The following KCNH5 variants were observed in gnomAD, a reference collection of about 807,000 sequenced individuals.
The protein encoded by KCNH5 is voltage-gated delayed rectifier potassium channel KCNH5.
In KCNH5, 46 loss-of-function variants were observed where a neutral mutation model predicts 96.1. The observed-to-expected ratio is 0.48, with a 90% CI of 0.38 to 0.61. The LOEUF (loss-of-function observed/expected upper bound fraction) is 0.61. Among genes scored for constraint, KCNH5 ranks in the 20% least tolerant of loss-of-function variants. The probability of loss-of-function intolerance (pLI) is 0.00; values close to 1 mark genes in which losing one functional copy is unlikely to be tolerated. For missense variants in KCNH5, 907 were observed against 1,225.8 expected, an observed-to-expected ratio of 0.74 and a Z score of 3.88; for synonymous variants, 439 against 449.8, an observed-to-expected ratio of 0.98 and a Z score of 0.30.
At chr14:63,007,338 A>G (rs12589987) in intron 2 of KCNH5, among the ~76,000 whole-genome samples, 43,680 of 152,026 alleles carry the variant, frequency 0.29, 7,488 homozygotes, top group East Asian at 0.57. Flanking sequence ...AGAAAGGAGG[A>G]TGACAATTTT....
chr14:62,850,003 T>C, intron 7 of KCNH5, 151 bp from the exon 8 acceptor site: 1 of 630,458 alleles, frequency 1.6e-6, no homozygotes, highest in Admixed American at 2.7e-5. Context: ...GCCTGACACC[T>C]GGTATTCACT....
At chr14:62,960,590 T>C (rs1890188661) in intron 6 of KCNH5, among the ~76,000 whole-genome samples, 1 of 152,112 alleles carries the variant, frequency 6.6e-6, no homozygotes, top group African/African-American at 2.4e-5. Flanking sequence ...TCATAAGCAT[T>C]GGGCCCTTAT....
At chr14:63,032,030 T>C (rs981698853) in intron 1 of KCNH5, among the ~76,000 whole-genome samples, 1 of 122,470 alleles carries the variant, frequency 8.2e-6, no homozygotes, top group African/African-American at 3.1e-5. Context: ...GTAATAATAA[T>C]AAGACACACA....
intron 7 of KCNH5, among the ~76,000 whole-genome samples, chr14:62,898,724 A>G (rs1439184871): frequency 6.6e-6 from 1 of 152,196 alleles, no homozygotes; most frequent in African/African-American, 2.4e-5. Flanking sequence ...TCCTTAATCT[A>G]CAAGTCATTG....
At chr14:62,794,155 C>T (rs1284819157) in intron 9 of KCNH5, among the ~76,000 whole-genome samples, 1 of 151,832 alleles carries the variant, frequency 6.6e-6, no homozygotes, top group Non-Finnish European at 1.5e-5. Flanking sequence ...CTGATTTAGC[C>T]AATTCATACT....
intron 7 of KCNH5, among the ~76,000 whole-genome samples, chr14:62,887,682 A>G (rs1404347328): frequency 1.3e-5 from 2 of 152,100 alleles, no homozygotes; most frequent in Non-Finnish European, 2.9e-5. Context: ...CAGAGAATAC[A>G]TGTATGAGGT....
chr14:62,989,211 C>T (rs1298686420), intron 4 of KCNH5, among the ~76,000 whole-genome samples: 1 of 151,944 alleles, frequency 6.6e-6, no homozygotes, highest in East Asian at 1.9e-4. Flanking sequence ...AAACACATGC[C>T]TTTTACCCTA....
chr14:62,876,928 G>A (rs1019558452), intron 7 of KCNH5, among the ~76,000 whole-genome samples: 2 of 152,156 alleles, frequency 1.3e-5, no homozygotes, highest in African/African-American at 4.8e-5. Flanking sequence ...TTTGAAAATA[G>A]ATCAAAGACC....
At chr14:62,924,994 G>T (rs1889446526) in intron 7 of KCNH5, among the ~76,000 whole-genome samples, 1 of 151,856 alleles carries the variant, frequency 6.6e-6, no homozygotes, top group African/African-American at 2.4e-5. Context: ...ACTGTGAGGT[G>T]GTGGATATGT....
chr14:62,720,921 T>C (rs960903716), intron 10 of KCNH5, among the ~76,000 whole-genome samples: 9 of 152,274 alleles, frequency 5.9e-5, no homozygotes, highest in African/African-American at 2.2e-4. Context: ...ATGCACAGTA[T>C]GCAAAAGTGA....
intron 4 of KCNH5, among the ~76,000 whole-genome samples, chr14:62,990,877 G>A (rs1411335128): frequency 6.6e-6 from 1 of 152,006 alleles, no homozygotes; most frequent in East Asian, 1.9e-4. Context: ...TCACATGGTG[G>A]CAGGAAGGAG....
intron 8 of KCNH5, among the ~76,000 whole-genome samples, chr14:62,846,294 T>A (rs1887690107): frequency 1.3e-5 from 2 of 152,180 alleles, no homozygotes; most frequent in Admixed American, 6.5e-5. Flanking sequence ...AATTAATAAA[T>A]CACTTTACAT....
At chr14:62,778,342 G>GA (rs1886140987) in intron 10 of KCNH5, among the ~76,000 whole-genome samples, 2 of 105,058 alleles carry the variant, frequency 1.9e-5, no homozygotes, top group South Asian at 6.0e-4. Context: ...CTGCATTTGG[G>GA]CAAAAAAAAT....
chr14:62,708,648 T>G (rs1305876236), intron 10 of KCNH5, among the ~76,000 whole-genome samples, 193 bp from the exon 11 acceptor site: 1 of 152,190 alleles, frequency 6.6e-6, no homozygotes, highest in African/African-American at 2.4e-5. Context: ...GCAATATGGC[T>G]TAAACCCAAC....
At chr14:62,754,635 G>T (rs1413531938) in intron 10 of KCNH5, among the ~76,000 whole-genome samples, 2 of 152,048 alleles carry the variant, frequency 1.3e-5, no homozygotes, top group Non-Finnish European at 2.9e-5. Context: ...CACTTTGGGA[G>T]GCTGAGGTGG....
intron 6 of KCNH5, among the ~76,000 whole-genome samples, chr14:62,955,893 A>G (rs1890095183): frequency 6.6e-6 from 1 of 152,184 alleles, no homozygotes; most frequent in South Asian, 2.1e-4. Context: ...GGTTGAACGA[A>G]TCGTCCAAAG....
intron 10 of KCNH5, among the ~76,000 whole-genome samples, chr14:62,760,426 C>T (rs1885723243): frequency 6.6e-6 from 1 of 152,172 alleles, no homozygotes. Context: ...CCTCTGTGTG[C>T]TATCATTAGG....
intron 7 of KCNH5, among the ~76,000 whole-genome samples, chr14:62,922,576 A>G (rs1889399697): frequency 6.6e-6 from 1 of 152,020 alleles, no homozygotes. Flanking sequence ...TGAATTCAAC[A>G]GCATATTAAA....
At chr14:62,950,671 G>T in intron 6 of KCNH5, 112 bp from the exon 7 acceptor site, 2 of 854,680 alleles carry the variant, frequency 2.3e-6, no homozygotes, top group Non-Finnish European at 3.4e-6. Context: ...TATATATTAA[G>T]AACATATGTA....
Sources: gnomAD v4.1 joint callset for allele counts (sites outside exome capture counted in the v4.1 genomes callset) on GRCh38, gnomAD v4.1.1 for gene constraint, MANE v1.5 for transcripts, NCBI Gene and HGNC (gene_info 2026-07-23, HGNC 2026-07-21) for gene names.